Variants in RANBP2 observed in about 807,000 individuals in gnomAD.
The protein encoded by RANBP2 is E3 SUMO-protein ligase RanBP2.
Under a neutral mutation model 303.6 loss-of-function variants are expected in RANBP2, and 57 were observed. That is an observed-to-expected ratio of 0.19 (90% CI 0.15 to 0.23). The LOEUF (loss-of-function observed/expected upper bound fraction) is 0.23, where lower values mean the gene tolerates loss of function less well. Ranked by LOEUF, RANBP2 falls within the 10% of genes least tolerant of loss-of-function variation. RANBP2 has a pLI of 1.00. For missense variants in RANBP2, 3,138 were observed against 3,780.8 expected, an observed-to-expected ratio of 0.83 and a Z score of 4.46; for synonymous variants, 1,167 against 1,301.5, an observed-to-expected ratio of 0.90 and a Z score of 2.23.
chr2:109,706,246 C>T, the RANBP2 span, among the ~76,000 whole-genome samples: 5 of 152,216 alleles, frequency 3.3e-5, no homozygotes, highest in African/African-American at 1.2e-4. Flanking sequence ...CTGCTCACAC[C>T]GGCATTGCTG....
chr2:109,613,726 T>G, the RANBP2 span: 2 of 1,003,160 alleles, frequency 2.0e-6, no homozygotes, highest in Non-Finnish European at 2.5e-6. Flanking sequence ...AGGGGGCCGG[T>G]GGGTCGAGGG....
At chr2:109,578,290 A>G in the RANBP2 span, among the ~76,000 whole-genome samples, 1 of 152,216 alleles carries the variant, frequency 6.6e-6, no homozygotes, top group African/African-American at 2.4e-5. Context: ...AATAAGAAAC[A>G]TGTCTAAAGC....
chr2:109,436,797 A>G, the RANBP2 span: 1 of 1,487,028 alleles, frequency 6.7e-7, no homozygotes, highest in South Asian at 1.4e-5. Flanking sequence ...TTCATCTCTT[A>G]AAGCCAGCAG....
At chr2:109,596,557 C>T in the RANBP2 span, among the ~76,000 whole-genome samples, 28 of 151,422 alleles carry the variant, frequency 1.8e-4, no homozygotes, top group Admixed American at 1.7e-3. Flanking sequence ...GCAGAGCTTG[C>T]AGTGAGCAGA....
At chr2:109,473,130 A>G in the RANBP2 span, among the ~76,000 whole-genome samples, 1 of 152,248 alleles carries the variant, frequency 6.6e-6, no homozygotes, top group African/African-American at 2.4e-5. Context: ...CCCCTCATTT[A>G]ACAGCATTAA....
At chr2:109,196,682 C>T in the RANBP2 span, among the ~76,000 whole-genome samples, 1 of 152,186 alleles carries the variant, frequency 6.6e-6, no homozygotes, top group African/African-American at 2.4e-5. Context: ...CAGTGAGGGG[C>T]TGGCTCTGTG....
the RANBP2 span, among the ~76,000 whole-genome samples, chr2:109,292,802 G>T: frequency 6.6e-6 from 1 of 152,056 alleles, no homozygotes; most frequent in South Asian, 2.1e-4. Flanking sequence ...GCATGATCTT[G>T]GCTCACTGCA....
chr2:109,551,235 T>G, the RANBP2 span, among the ~76,000 whole-genome samples: 1 of 152,162 alleles, frequency 6.6e-6, no homozygotes, highest in Non-Finnish European at 1.5e-5. Context: ...CATATAGAAA[T>G]ATGGATTTAT....
At chr2:109,338,586 C>T in the RANBP2 span, among the ~76,000 whole-genome samples, 1 of 152,156 alleles carries the variant, frequency 6.6e-6, no homozygotes, top group African/African-American at 2.4e-5. Context: ...GAGACAGAAC[C>T]TCACTCTGTT....
chr2:109,309,798 A>G, the RANBP2 span, among the ~76,000 whole-genome samples: 1 of 120,794 alleles, frequency 8.3e-6, no homozygotes, highest in South Asian at 2.6e-4. Flanking sequence ...TAACTATCCT[A>G]AATAGATATG....
chr2:109,096,736 C>T, the RANBP2 span, among the ~76,000 whole-genome samples: 59 of 151,106 alleles, frequency 3.9e-4, no homozygotes, highest in African/African-American at 1.2e-3. Flanking sequence ...AAAATGCTGG[C>T]GATCCTTTTT....
the RANBP2 span, among the ~76,000 whole-genome samples, chr2:109,121,652 T>C: frequency 2.0e-5 from 3 of 152,328 alleles, no homozygotes; most frequent in African/African-American, 7.2e-5. Context: ...CCCGATCCTC[T>C]GTCCTCTGCT....
chr2:109,219,018 C>T, the RANBP2 span, among the ~76,000 whole-genome samples: 1 of 152,228 alleles, frequency 6.6e-6, no homozygotes, highest in African/African-American at 2.4e-5. Context: ...ACCTCTCTTT[C>T]TTGGCTGCAG....
the RANBP2 span, chr2:108,882,808 G>A: frequency 9.7e-4 from 147 of 152,310 alleles, no homozygotes; most frequent in African/African-American, 3.3e-3. Flanking sequence ...ACCTGAGAGT[G>A]TCAGTCTTCC....
chr2:108,840,631 T>C, the RANBP2 span, among the ~76,000 whole-genome samples: 1 of 152,190 alleles, frequency 6.6e-6, no homozygotes, highest in African/African-American at 2.4e-5. Context: ...AGTATTCTCT[T>C]ATCCTTTTGA....
the RANBP2 span, among the ~76,000 whole-genome samples, chr2:109,028,182 G>A: frequency 6.6e-6 from 1 of 152,164 alleles, no homozygotes; most frequent in Non-Finnish European, 1.5e-5. Flanking sequence ...GAGGTGGGTG[G>A]ATCACCTGAA....
At chr2:109,336,493 G>C in the RANBP2 span, among the ~76,000 whole-genome samples, 41,307 of 152,058 alleles carry the variant, frequency 0.27, 7,275 homozygotes, top group African/African-American at 0.5. Flanking sequence ...CGGCTAGCAC[G>C]TGCTGAGGAC....
the RANBP2 span, among the ~76,000 whole-genome samples, chr2:109,621,914 A>AAAATAAAC: frequency 6.8e-6 from 1 of 146,486 alleles, no homozygotes; most frequent in African/African-American, 2.5e-5. Context: ...CTCCATCTCA[A>AAAATAAAC]AAATAAATAA....
At chr2:108,930,837 C>T in the RANBP2 span, 7 of 1,080,640 alleles carry the variant, frequency 6.5e-6, no homozygotes, top group South Asian at 6.5e-5. Context: ...TCATTTCACC[C>T]TCAGAAGAAC....
Sources: allele counts gnomAD v4.1 joint callset (sites outside exome capture counted in the v4.1 genomes callset), GRCh38; gene constraint gnomAD v4.1.1; transcripts MANE v1.5; gene names NCBI Gene and HGNC (gene_info 2026-07-23, HGNC 2026-07-21).